The following C3orf22 variants were observed in gnomAD, a reference collection of about 807,000 sequenced individuals.
C3orf22 encodes uncharacterized protein C3orf22.
C3orf22 carries 7 observed loss-of-function variants against 10.8 expected under a neutral mutation model. The observed-to-expected ratio is 0.65, with a 90% CI of 0.37 to 1.22. The LOEUF (loss-of-function observed/expected upper bound fraction) is 1.22, where lower values mean the gene tolerates loss of function less well. Among genes scored for constraint, C3orf22 ranks in the 50% most tolerant of loss-of-function variants. C3orf22 has a pLI of 0.02. For synonymous variants in C3orf22, 79 were observed against 78.9 expected (o/e 1.00, Z 0.00); for missense variants, 173 against 177.0 (o/e 0.98, Z 0.13).
At chr3:126,553,849 C>G (rs565582587) in intron 1 of C3orf22, among the ~76,000 whole-genome samples, 3,441 of 152,312 alleles carry the variant, frequency 0.023, 88 homozygotes, top group African/African-American at 0.062. Flanking sequence ...GTCTGTCCCT[C>G]CTGCTGCTGA....
At chr3:126,558,370 T>C (rs973710401) in intron 1 of C3orf22, among the ~76,000 whole-genome samples, 2 of 152,090 alleles carry the variant, frequency 1.3e-5, no homozygotes, top group African/African-American at 2.4e-5. Context: ...ACCACAGGAA[T>C]TGAGGGATCA....
downstream of C3orf22, among the ~76,000 whole-genome samples, chr3:126,545,342 G>T (rs1039129028): frequency 6.6e-6 from 1 of 152,242 alleles, no homozygotes; most frequent in Non-Finnish European, 1.5e-5. Flanking sequence ...GCCATTGCTG[G>T]TTTGGGTTAC....
Position 126,549,840 on chromosome 3 carries a change from T to G in C3orf22, c.*28A>C. 1 of 1,587,108 alleles carries G rather than the reference T, an allele frequency of 6.3e-7. No homozygotes were observed. The highest frequency in any genetic ancestry group is 8.6e-7 in the Non-Finnish European group (1 of 1,165,826). On this transcript the variant is annotated 3_prime_UTR_variant, in exon 4 of 4. Transcript: ENST00000318225. ...AGCCTGCCAAGGAGAAGGTGGCCAA[T>G]AAGAAGGCCACACACAGAGCCCAGT...
chr3:126,556,159 G>A (rs1937323874), intron 1 of C3orf22, among the ~76,000 whole-genome samples: 2 of 152,164 alleles, frequency 1.3e-5, no homozygotes, highest in African/African-American at 4.8e-5. Flanking sequence ...TGCTGTCAGG[G>A]GCCCATGCAC....
chr3:126,537,872 C>G (rs985287317), intron 4 of C3orf22, among the ~76,000 whole-genome samples: 1 of 152,240 alleles, frequency 6.6e-6, no homozygotes, highest in African/African-American at 2.4e-5. Flanking sequence ...GACAAGGACA[C>G]AGGCATGGGG....
chr3:126,548,611 G>A (rs1287635107), downstream of C3orf22, among the ~76,000 whole-genome samples: 1 of 152,228 alleles, frequency 6.6e-6, no homozygotes, highest in African/African-American at 2.4e-5. Context: ...GCTGGAAGCT[G>A]TACTCTATCC....
intron 3 of C3orf22, 110 bp from the exon 4 acceptor site, chr3:126,550,188 A>T (rs1019616276): frequency 1.1e-5 from 14 of 1,224,480 alleles, no homozygotes; most frequent in Non-Finnish European, 1.5e-5. Flanking sequence ...TCCAACTGAG[A>T]TCTACTCCCA....
At chr3:126,545,993 C>T (rs1246458824), downstream of C3orf22, among the ~76,000 whole-genome samples, 1 of 152,188 alleles carries the variant, frequency 6.6e-6, no homozygotes, top group Non-Finnish European at 1.5e-5. Flanking sequence ...AAAAGAAGGG[C>T]ACCCAAGCTG....
downstream of C3orf22, among the ~76,000 whole-genome samples, chr3:126,548,624 A>G (rs1221233172): frequency 6.6e-6 from 1 of 152,182 alleles, no homozygotes. Flanking sequence ...CTCTATCCCC[A>G]GGCAAATGCT....
At chr3:126,535,131 A>C in intron 4 of C3orf22, among the ~76,000 whole-genome samples, 1 of 118,706 alleles carries the variant, frequency 8.4e-6, no homozygotes, top group Admixed American at 9.1e-5. Flanking sequence ...CTGGAGACAG[A>C]CAGACAGCAT....
At chr3:126,542,754 A>T in intron 4 of C3orf22, 1 of 991,050 alleles carries the variant, frequency 1.0e-6, no homozygotes, top group Non-Finnish European at 1.3e-6. Context: ...AGCCCATCTC[A>T]GGTGGCCCTG....
intron 4 of C3orf22, among the ~76,000 whole-genome samples, chr3:126,533,599 T>A (rs1936703986): frequency 6.6e-6 from 1 of 152,230 alleles, no homozygotes; most frequent in Non-Finnish European, 1.5e-5. Flanking sequence ...TATAAACTTT[T>A]TCATAGGATG....
chr3:126,542,219 G>A (rs748107873), intron 4 of C3orf22: 3 of 1,482,650 alleles, frequency 2.0e-6, no homozygotes, highest in African/African-American at 1.5e-5. Context: ...CGGCCACGAC[G>A]TGCGCTTCGC....
chr3:126,541,951 C>G (rs763909971), intron 4 of C3orf22: 5 of 1,586,332 alleles, frequency 3.2e-6, no homozygotes, highest in Admixed American at 1.7e-5. Flanking sequence ...AAGCCCGCGG[C>G]GACCCGCGCG....
At chr3:126,550,768 G>A (rs763021969) in intron 3 of C3orf22, among the ~76,000 whole-genome samples, 1 of 152,174 alleles carries the variant, frequency 6.6e-6, no homozygotes, top group Non-Finnish European at 1.5e-5. Context: ...GGCCCTGGGA[G>A]CCGCTTGGTC....
chr3:126,539,850 C>G (rs796647687), intron 4 of C3orf22, among the ~76,000 whole-genome samples: 3 of 1,506 alleles, frequency 2.0e-3, no homozygotes, highest in African/African-American at 5.3e-3. Context: ...ACACACATCA[C>G]ACACACACAC....
intron 4 of C3orf22, among the ~76,000 whole-genome samples, chr3:126,533,817 A>G (rs887224060): frequency 2.0e-5 from 3 of 152,162 alleles, no homozygotes; most frequent in Non-Finnish European, 4.4e-5. Context: ...TTAAACATTT[A>G]GTAAAATTTA....
At chr3:126,547,982 A>C (rs1937096726), downstream of C3orf22, among the ~76,000 whole-genome samples, 4 of 152,172 alleles carry the variant, frequency 2.6e-5, no homozygotes, top group Admixed American at 6.5e-5. Flanking sequence ...GGAGGGGAAA[A>C]AGTTGCAGAG....
At chr3:126,536,226 A>C in intron 4 of C3orf22, 4 of 1,562,470 alleles carry the variant, frequency 2.6e-6, no homozygotes, top group Non-Finnish European at 3.5e-6. Context: ...GGTCCATGCA[A>C]GTCCCTCTGA....
Sources: gnomAD v4.1 joint callset for allele counts (sites outside exome capture counted in the v4.1 genomes callset) on GRCh38, gnomAD v4.1.1 for gene constraint, MANE v1.5 for transcripts, NCBI Gene and HGNC (gene_info 2026-07-23, HGNC 2026-07-21) for gene names.